Variants in ANTXRL observed in about 807,000 individuals in gnomAD.
ANTXRL encodes ANTXR like, also known as anthrax toxin receptor-like.
A neutral mutation model predicts 75.4 loss-of-function variants in ANTXRL; 63 were observed. The ratio of observed to expected loss-of-function variants is 0.84; its 90% confidence interval spans 0.68 to 1.03. The LOEUF (loss-of-function observed/expected upper bound fraction) is 1.03, where lower values mean the gene tolerates loss of function less well. Ranked by LOEUF, ANTXRL falls within the 50% of genes least tolerant of loss-of-function variation. The pLI, the probability that ANTXRL is intolerant of heterozygous loss-of-function variation, is 0.00. For synonymous variants in ANTXRL, 335 were observed against 291.3 expected (o/e 1.15, Z -1.53); for missense variants, 797 against 789.4 (o/e 1.01, Z -0.12).
intron 3 of ANTXRL, 39 bp from the exon 4 acceptor site, chr10:46,295,980 T>TGTCTTTCC: frequency 6.7e-7 from 1 of 1,497,318 alleles, no homozygotes; most frequent in Non-Finnish European, 9.0e-7. Flanking sequence ...TAACAGTCAA[T>TGTCTTTCC]GTCTTTCCAG....
At chr10:46,293,544 C>A (rs1168683928) in intron 2 of ANTXRL, among the ~76,000 whole-genome samples, 1 of 60,648 alleles carries the variant, frequency 1.6e-5, no homozygotes, top group Non-Finnish European at 3.6e-5. Flanking sequence ...CATGTGTGTG[C>A]ATATGTGTGT....
chr10:46,307,607 A>G (rs1353935125), intron 12 of ANTXRL, 127 bp downstream of exon 12: 1 of 910,184 alleles, frequency 1.1e-6, no homozygotes, highest in Non-Finnish European at 1.7e-6. Context: ...CAGGCACCTG[A>G]GGCTGCTCCA....
chr10:46,329,680 C>A lies in ANTXRL; in HGVS notation c.1492C>A (p.Gln498Lys), dbSNP rs782688432. Residue 498 changes from glutamine (Q) to lysine (K), a missense_variant, in exon 17 of 17, where the codon CAG (glutamine) becomes AAG (lysine). This residue lies in a region of ANTXRL where 479 missense variants were observed against 422.0 expected (regional missense o/e 1.14). Coordinates refer to ENST00000620264, the MANE Select transcript of ANTXRL (RefSeq NM_001278688.3). ...CCCAAGGATCTGCTTTCCACACAGC[C>A]AGGAGTGCCTTTCCCTACCACAGGC... ...CCPRICFPHS[Q>K]ECLSLPQAPC... The A allele has an allele frequency of 1.3e-6, 2 of 1,536,312 alleles. No individual in the cohort carries two copies. Among genetic ancestry groups the A allele is most frequent in the Non-Finnish European group, 8.7e-7 (1 of 1,146,826 alleles).
chr10:46,297,973 T>G (rs782320898), intron 8 of ANTXRL, 29 bp from the exon 9 acceptor site: 3 of 1,535,808 alleles, frequency 2.0e-6, no homozygotes, highest in South Asian at 2.4e-5. Context: ...TCACTCTCCC[T>G]GTCCCGCCCC....
chr10:46,330,072 G>C lies in ANTXRL; in HGVS notation c.1884G>C (p.Glu628Asp). The change falls in exon 17 of 17, where the codon GAG becomes GAC. Residue 628 changes from glutamate to aspartate, a missense_variant. Physicochemically the swap from Glu to Asp is conservative, Grantham distance 45 (BLOSUM62 2). Coordinates refer to ENST00000620264, the MANE Select transcript of ANTXRL (RefSeq NM_001278688.3). ...CCCCTTTGTCACTCCCCCCCTCAGA[G>C]CCCAACTTCTAAGGCACCAAACACC... ...AEPPLSLPPS[E>D]PNF The C allele has an allele frequency of 6.6e-6, 10 of 1,515,376 alleles. No homozygotes were observed. The highest frequency in any genetic ancestry group is 8.8e-6 in the Non-Finnish European group (10 of 1,134,812). 93.9% of individuals were successfully genotyped at this position (1,515,376 alleles called of 1,614,324 possible). A position where few individuals can be genotyped will look rare whatever the true frequency, so the allele number is the denominator to read the frequency against.
chr10:46,316,216 C>G (rs7088997), intron 16 of ANTXRL, among the ~76,000 whole-genome samples: 1 of 151,934 alleles, frequency 6.6e-6, no homozygotes, highest in Non-Finnish European at 1.5e-5. Flanking sequence ...AATTCGTGTG[C>G]GCACCACAGC....
At chr10:46,303,168 C>T (rs1317866305) in intron 10 of ANTXRL, among the ~76,000 whole-genome samples, 1 of 152,200 alleles carries the variant, frequency 6.6e-6, no homozygotes. Flanking sequence ...GCCCACAAGG[C>T]TACTTCTAGG....
At position 46,287,160 on chromosome 10, in the gene ANTXRL, C is replaced by G; in HGVS notation, c.-103C>G. On this transcript the variant is annotated 5_prime_UTR_variant, in exon 1 of 17. Transcript: ENST00000620264. Reference sequence around the variant, plus strand: ...AAAGGGCAGGAGGAGGGGTGTGGCCCCGGGCATAAGGGGAGGCGGCAAAGA... The same window carrying G: ...AAAGGGCAGGAGGAGGGGTGTGGCCGCGGGCATAAGGGGAGGCGGCAAAGA... 7.0e-7 allele frequency: 1 copy of G among 1,427,632 alleles called. No homozygotes were observed. The highest frequency in any genetic ancestry group is 9.2e-7 in the Non-Finnish European group (1 of 1,082,376). 88.4% of individuals were successfully genotyped at this position (1,427,632 alleles called of 1,614,324 possible).
intron 16 of ANTXRL, 59 bp downstream of exon 16, chr10:46,313,375 C>G: frequency 6.8e-7 from 1 of 1,475,820 alleles, no homozygotes; most frequent in Non-Finnish European, 9.2e-7. Context: ...TTCCCCTGAC[C>G]ACTGTCCTCT....
At chr10:46,326,038 T>G (rs1243658785) in intron 16 of ANTXRL, among the ~76,000 whole-genome samples, 1 of 152,036 alleles carries the variant, frequency 6.6e-6, no homozygotes, top group Non-Finnish European at 1.5e-5. Context: ...AGTAAAGGTA[T>G]TTATCACAGG....
rs539728654 is a variant in ANTXRL, at chr10:46,295,344, G to A, written c.393-675G>A. ...AGGACGGAGTGCCCAACACAACAGC[G>A]TCCTTGTTAGGGTTAGAATTTGGAT... is the stretch of plus-strand genomic sequence containing the variant. On this transcript the variant is annotated intron_variant, in intron 3 of 16. Coordinates refer to ENST00000620264, the MANE Select transcript of ANTXRL (RefSeq NM_001278688.3). Among the ~76,000 whole-genome samples the A allele has an allele frequency of 1.1e-4, 17 of 152,284 alleles. No individual in the cohort carries two copies. In the East Asian group the frequency reaches 1.7e-3, roughly 16 times the overall value.
intron 16 of ANTXRL, among the ~76,000 whole-genome samples, chr10:46,314,038 G>T (rs2132842236): frequency 6.6e-6 from 1 of 152,304 alleles, no homozygotes; most frequent in Non-Finnish European, 1.5e-5. Flanking sequence ...CCACAGTCCA[G>T]CCCTTTGCAC....
Position 46,287,358 on chromosome 10 carries a change from C to T in ANTXRL, c.96C>T (p.Tyr32=). ...TTTTTAGAGCAGGAAGCCTTCGGTACCATGGACCTGACTGGAGAATATTTC... is the reference window on the plus strand; with the variant it reads ...TTTTTAGAGCAGGAAGCCTTCGGTATCATGGACCTGACTGGAGAATATTTC... ...PPLFRAGSLR[Y]HGPDWRIFHR... Residue 32 remains tyrosine (Y), a synonymous_variant, in exon 1 of 17, where the codon TAC becomes TAT. Transcript: ENST00000620264. The T allele has an allele frequency of 2.6e-6, 4 of 1,536,018 alleles. No individual in the cohort carries two copies. The highest frequency in any genetic ancestry group is 2.6e-6 in the Non-Finnish European group (3 of 1,146,774).
intron 16 of ANTXRL, among the ~76,000 whole-genome samples, chr10:46,314,815 C>A (rs1554964369): frequency 6.6e-6 from 1 of 152,072 alleles, no homozygotes; most frequent in African/African-American, 2.4e-5. Context: ...CAGAGAGTTG[C>A]CTAAGGCCAC....
intron 12 of ANTXRL, 136 bp downstream of exon 12, chr10:46,307,616 C>A: frequency 1.2e-6 from 1 of 845,654 alleles, no homozygotes; most frequent in Non-Finnish European, 1.9e-6. Context: ...GAGGCTGCTC[C>A]AACCCGGCTT....
intron 1 of ANTXRL, among the ~76,000 whole-genome samples, chr10:46,289,089 G>A (rs1170317060): frequency 2.3e-4 from 35 of 152,224 alleles, no homozygotes; most frequent in African/African-American, 7.2e-4. Context: ...AGAAACTTGC[G>A]GTAATCCTCC....
chr10:46,296,798 C>G lies in ANTXRL; in HGVS notation c.509-454C>G, dbSNP rs1185627112. On this transcript the variant is annotated intron_variant, in intron 5 of 16. Coordinates refer to ENST00000620264, the MANE Select transcript of ANTXRL (RefSeq NM_001278688.3). ...CCTGAACTCCTGGGCCCAGAGATGC[C>G]GGCAGGGCTGCCTGCAGGCTCTGCT... is the stretch of plus-strand genomic sequence containing the variant. Among the ~76,000 whole-genome samples, 3 of 152,118 alleles carry G rather than the reference C, an allele frequency of 2.0e-5. No individual in the cohort carries two copies. In the East Asian group the frequency reaches 5.8e-4, roughly 29 times the overall value.
intron 2 of ANTXRL, 138 bp from the exon 3 acceptor site, chr10:46,293,691 A>G: frequency 1.4e-6 from 1 of 715,496 alleles, no homozygotes; most frequent in Non-Finnish European, 2.3e-6. Context: ...GTCCTTCACT[A>G]CATTTATCTC....
At chr10:46,293,472 A>G (rs1263067080) in intron 2 of ANTXRL, among the ~76,000 whole-genome samples, 1 of 107,584 alleles carries the variant, frequency 9.3e-6, no homozygotes, top group African/African-American at 3.6e-5. Flanking sequence ...GTGTGTGTGT[A>G]TGCATGTGTG....
Sources: gnomAD v4.1 joint callset for allele counts (sites outside exome capture counted in the v4.1 genomes callset) on GRCh38, gnomAD v4.1.1 for gene constraint, gnomAD v4.1.1 regional missense constraint, MANE v1.5 for transcripts, NCBI Gene and HGNC (gene_info 2026-07-23, HGNC 2026-07-21) for gene names.